Variants in MYO16 observed in about 807,000 individuals in gnomAD.
MYO16 encodes the protein myosin XVI.
In MYO16, 94 loss-of-function variants were observed where a neutral mutation model predicts 205.3. That is an observed-to-expected ratio of 0.46 (90% CI 0.39 to 0.54). The LOEUF (loss-of-function observed/expected upper bound fraction) is 0.54. Ranked by LOEUF, MYO16 falls within the 20% of genes least tolerant of loss-of-function variation. The pLI is 0.00. For missense variants in MYO16, 2,315 were observed against 2,387.5 expected (o/e 0.97, Z 0.63); for synonymous variants, 988 against 954.0 (o/e 1.04, Z -0.66).
Position 108,732,293 on chromosome 13 carries a change from G to A in MYO16, c.507+4710G>A, listed in dbSNP as rs115682955. 4.7e-3 allele frequency among the ~76,000 whole-genome samples: 709 copies of A among 152,226 alleles called. 3 individuals are homozygous for A. Among genetic ancestry groups the A allele is most frequent in the African/African-American group, 0.016 (656 of 41,526 alleles). ...TCAGCAGTGAGCACAAGCAGAAAAAGCCCTGCCTTTTAGAGCTTACATTCT... is the reference window on the plus strand; with the variant it reads ...TCAGCAGTGAGCACAAGCAGAAAAAACCCTGCCTTTTAGAGCTTACATTCT... On this transcript the variant is annotated intron_variant, in intron 4 of 34. Transcript: ENST00000457511.
At chr13:108,807,954 T>C (rs1284019777) in intron 7 of MYO16, among the ~76,000 whole-genome samples, 2 of 152,226 alleles carry the variant, frequency 1.3e-5, no homozygotes, top group Admixed American at 6.5e-5. Context: ...GCAACTGTTC[T>C]ATTGTAAAGT....
At chr13:109,193,380 C>A (rs1013433827) in intron 34 of MYO16, among the ~76,000 whole-genome samples, 6 of 152,144 alleles carry the variant, frequency 3.9e-5, no homozygotes, top group African/African-American at 1.4e-4. Context: ...CAGGTCACTG[C>A]ATTTTGGAGT....
At chr13:109,024,561 A>G (rs1192423981) in intron 23 of MYO16, among the ~76,000 whole-genome samples, 2 of 152,156 alleles carry the variant, frequency 1.3e-5, no homozygotes, top group Non-Finnish European at 2.9e-5. Flanking sequence ...ACTAAGTTTA[A>G]GTCAATGTAA....
intron 4 of MYO16, among the ~76,000 whole-genome samples, chr13:108,775,986 G>A (rs368285338): frequency 1.8e-4 from 27 of 152,240 alleles, no homozygotes; most frequent in East Asian, 3.9e-4. Context: ...TCAAAGGGGC[G>A]GGTTTTGCCT....
chr13:108,506,632 G>C, the MYO16 span, among the ~76,000 whole-genome samples: 1 of 152,036 alleles, frequency 6.6e-6, no homozygotes, highest in African/African-American at 2.4e-5. Flanking sequence ...TGTTAACGGA[G>C]ATAAGTTTAC....
chr13:108,966,900 G>A (rs2139378675), intron 20 of MYO16, among the ~76,000 whole-genome samples: 1 of 152,144 alleles, frequency 6.6e-6, no homozygotes, highest in East Asian at 1.9e-4. Flanking sequence ...ATAGGCTCTT[G>A]TTGTTTACCA....
chr13:108,878,621 C>G (rs1331114444), intron 12 of MYO16, among the ~76,000 whole-genome samples: 1 of 152,212 alleles, frequency 6.6e-6, no homozygotes, highest in Non-Finnish European at 1.5e-5. Context: ...GGCAGAAGGT[C>G]CATTGAACTG....
Position 109,196,043 on chromosome 13 carries a change from A to G in MYO16, c.5416-10566A>G, listed in dbSNP as rs867339469. On this transcript the variant is annotated intron_variant, in intron 34 of 34. Transcript: ENST00000457511. ...GTTGTGAGAGATTTAGTGTTTTGTA[A>G]TGCCTGAAAATAAGTGAACTAATTA... Among the ~76,000 whole-genome samples the G allele has an allele frequency of 1.4e-4, 21 of 152,310 alleles. No homozygotes were observed. In the South Asian group the frequency reaches 3.1e-3, roughly 23 times the overall value.
intron 2 of MYO16, among the ~76,000 whole-genome samples, chr13:108,673,327 ATCT>A (rs1240487607): frequency 6.8e-6 from 1 of 147,940 alleles, no homozygotes; most frequent in African/African-American, 2.5e-5. Flanking sequence ...GGGGTTTTTC[ATCT>A]TCTTTCCCTG....
chr13:108,765,211 C>G (rs1194685030), intron 4 of MYO16, among the ~76,000 whole-genome samples: 1 of 152,134 alleles, frequency 6.6e-6, no homozygotes, highest in Non-Finnish European at 1.5e-5. Context: ...AGATTTTCTT[C>G]TCAACATGAT....
intron 10 of MYO16, among the ~76,000 whole-genome samples, 165 bp downstream of exon 10, chr13:108,844,658 C>T (rs1215156292): frequency 6.6e-6 from 1 of 152,212 alleles, no homozygotes; most frequent in Non-Finnish European, 1.5e-5. Flanking sequence ...TTAGTGCATT[C>T]TGCTGATCAA....
At chr13:108,778,753 A>G (rs1036654064) in intron 4 of MYO16, among the ~76,000 whole-genome samples, 1 of 152,374 alleles carries the variant, frequency 6.6e-6, no homozygotes, top group Admixed American at 6.5e-5. Flanking sequence ...TTCACTGGAC[A>G]TGGTACTTCA....
At chr13:108,604,612 G>T (rs1318098675) in intron 1 of MYO16, among the ~76,000 whole-genome samples, 1 of 152,160 alleles carries the variant, frequency 6.6e-6, no homozygotes, top group Admixed American at 6.5e-5. Flanking sequence ...GTTTTGAATT[G>T]TTGAAGTCAT....
chr13:109,163,946 C>T (rs1347248592), intron 32 of MYO16: 4 of 152,168 alleles, frequency 2.6e-5, no homozygotes, highest in African/African-American at 9.7e-5. Context: ...TTAGAAAAGC[C>T]TAACTTTAAG....
intron 1 of MYO16, among the ~76,000 whole-genome samples, chr13:108,610,273 CTG>C (rs375992385): frequency 1.7e-3 from 256 of 152,252 alleles, no homozygotes; most frequent in African/African-American, 5.4e-3. Context: ...TCAGAATGTA[CTG>C]TGTGTGCTCC....
At chr13:108,644,392 CTA>C (rs1880652117) in intron 1 of MYO16, among the ~76,000 whole-genome samples, 1 of 150,644 alleles carries the variant, frequency 6.6e-6, no homozygotes, top group East Asian at 2.0e-4. Flanking sequence ...ATCTATCTAT[CTA>C]TCTATCTATC....
intron 1 of MYO16, among the ~76,000 whole-genome samples, chr13:108,596,432 G>T (rs1878561108): frequency 6.6e-6 from 1 of 151,604 alleles, no homozygotes; most frequent in African/African-American, 2.4e-5. Context: ...ATTCAGCTCA[G>T]CCTAATTCAA....
chr13:108,874,653 C>A lies in MYO16; in HGVS notation c.1426-8406C>A, dbSNP rs1385798183. Among the ~76,000 whole-genome samples, 3 of 151,446 alleles carry A rather than the reference C, an allele frequency of 2.0e-5. No homozygotes were observed. The East Asian group carries it at 5.8e-4, about 29-fold the overall frequency. On this transcript the variant is annotated intron_variant, in intron 12 of 34. Coordinates refer to ENST00000457511, the MANE Select transcript of MYO16 (RefSeq NM_001198950.3). ...CGAATGCTTGGCAGGCTTCTCTCAG[C>A]AGCACAAGTGCTGCGCCCAGAGGCA...
chr13:108,951,401 G>A (rs923293744), intron 16 of MYO16, among the ~76,000 whole-genome samples: 2 of 152,308 alleles, frequency 1.3e-5, no homozygotes, highest in Non-Finnish European at 2.9e-5. Flanking sequence ...GCTGGGAGGA[G>A]TGGGCGTCTG....
Sources: gnomAD v4.1 joint callset for allele counts (sites outside exome capture counted in the v4.1 genomes callset) on GRCh38, gnomAD v4.1.1 for gene constraint, MANE v1.5 for transcripts, NCBI Gene and HGNC (gene_info 2026-07-23, HGNC 2026-07-21) for gene names.